Variants in RARB observed in about 807,000 individuals in gnomAD.
The protein encoded by RARB is retinoic acid receptor beta.
RARB carries 17 observed loss-of-function variants against 51.9 expected under a neutral mutation model. That is an observed-to-expected ratio of 0.33 (90% CI 0.22 to 0.49). RARB has a LOEUF of 0.49. RARB is among the 20% of genes least tolerant of loss of function. RARB has a pLI of 0.99. For synonymous variants in RARB, 215 were observed against 195.4 expected (o/e 1.10, Z -0.84); for missense variants, 369 against 550.8 (o/e 0.67, Z 3.30).
At chr3:25,187,748 G>A (rs543887122) in intron 5 of RARB, among the ~76,000 whole-genome samples, 27 of 152,132 alleles carry the variant, frequency 1.8e-4, no homozygotes, top group Admixed American at 1.6e-3. Context: ...CCTTGTTGTG[G>A]AGAAAGAAAA....
At chr3:25,344,878 G>A (rs1705340997) in intron 5 of RARB, among the ~76,000 whole-genome samples, 1 of 152,162 alleles carries the variant, frequency 6.6e-6, no homozygotes, top group Admixed American at 6.6e-5. Context: ...GCTAGAGAGA[G>A]TGGAAAGTTT....
chr3:25,348,756 C>G (rs2125455830), intron 5 of RARB, among the ~76,000 whole-genome samples: 1 of 152,270 alleles, frequency 6.6e-6, no homozygotes, highest in Admixed American at 6.5e-5. Flanking sequence ...TCTTTTCTCC[C>G]TGAATTTCAA....
intron 3 of RARB, chr3:25,555,549 C>G (rs906394467): frequency 3.3e-5 from 5 of 152,072 alleles, no homozygotes. Context: ...CTAGCTCTGT[C>G]AGGATTAAGT....
chr3:24,882,088 A>G lies in RARB; in HGVS notation c.-380+23336A>G, dbSNP rs1703178657. On this transcript the variant is annotated intron_variant, in intron 2 of 11. Transcript: ENST00000383772. The stretch of plus-strand genomic sequence containing the variant: ...TGACTTGTATTTGGAGAATAAGAGA[A>G]TAATGTCTATAGGAGGCTGATAGGT... Among the ~76,000 whole-genome samples, 3 of 152,232 alleles carry G rather than the reference A, an allele frequency of 2.0e-5. No homozygotes were observed. The South Asian group carries it at 6.2e-4, about 32-fold the overall frequency.
Position 24,980,790 on chromosome 3 carries a change from C to T in RARB, c.-379-79335C>T, listed in dbSNP as rs554487579. On this transcript the variant is annotated intron_variant, in intron 2 of 11. Transcript: ENST00000383772. ...TCAACTCGTCAAACTCATTCTCTGTCCAGTTTTGTTCCCTTGCTGGAGAGG... is the reference window on the plus strand; with the variant it reads ...TCAACTCGTCAAACTCATTCTCTGTTCAGTTTTGTTCCCTTGCTGGAGAGG... Among the ~76,000 whole-genome samples, 5 of 152,264 alleles carry T rather than the reference C, an allele frequency of 3.3e-5. No homozygotes were observed. The East Asian group carries it at 9.7e-4, about 29-fold the overall frequency.
chr3:25,209,962 T>C (rs985005419), intron 5 of RARB, among the ~76,000 whole-genome samples: 6 of 152,188 alleles, frequency 3.9e-5, no homozygotes, highest in African/African-American at 1.4e-4. Flanking sequence ...TAAGATAACT[T>C]TGATAATCCC....
intron 5 of RARB, among the ~76,000 whole-genome samples, chr3:25,402,620 C>A (rs1707293447): frequency 6.6e-6 from 1 of 152,104 alleles, no homozygotes; most frequent in South Asian, 2.1e-4. Context: ...TACTATTCAG[C>A]CATAAAAAAG....
At chr3:24,933,524 C>T (rs73051231) in intron 2 of RARB, among the ~76,000 whole-genome samples, 5,679 of 152,018 alleles carry the variant, frequency 0.037, 136 homozygotes, top group Middle Eastern at 0.082. Flanking sequence ...TTTGCTTTTG[C>T]GGATCTGACT....
intron 5 of RARB, among the ~76,000 whole-genome samples, chr3:25,177,407 C>T (rs148162445): frequency 4.6e-5 from 7 of 152,080 alleles, no homozygotes; most frequent in African/African-American, 7.2e-5. Flanking sequence ...AGCTGACCAA[C>T]GTGGAATAAA....
intron 2 of RARB, among the ~76,000 whole-genome samples, chr3:24,900,589 G>C (rs17015434): frequency 0.021 from 3,249 of 152,262 alleles, 151 homozygotes; most frequent in East Asian, 0.19. Context: ...GTTGGGCACA[G>C]TATTGTTTTG....
intron 2 of RARB, among the ~76,000 whole-genome samples, chr3:25,052,045 C>G (rs1171101411): frequency 6.6e-6 from 1 of 152,136 alleles, no homozygotes; most frequent in South Asian, 2.1e-4. Context: ...AATGGAGGCT[C>G]CATCTCGGTA....
intron 4 of RARB, among the ~76,000 whole-genome samples, chr3:25,578,381 C>A (rs184189975): frequency 6.6e-6 from 1 of 152,178 alleles, no homozygotes; most frequent in Non-Finnish European, 1.5e-5. Flanking sequence ...ATAGAAGGTA[C>A]GACAGGCTCC....
chr3:25,035,421 CTTTTTTTTTTTTTTT>C (rs140970899), intron 2 of RARB, among the ~76,000 whole-genome samples: 4 of 121,654 alleles, frequency 3.3e-5, no homozygotes, highest in African/African-American at 3.5e-5. Flanking sequence ...TGCGTCCAGC[CTTTTTTTTTTTTTTT>C]TTTTTTTTTT....
chr3:24,999,740 C>T (rs1324623745), intron 2 of RARB, among the ~76,000 whole-genome samples: 1 of 152,144 alleles, frequency 6.6e-6, no homozygotes, highest in African/African-American at 2.4e-5. Flanking sequence ...GTAGCCAAGA[C>T]CTCTAAGGGG....
At chr3:25,183,443 G>C (rs1210336825) in intron 5 of RARB, among the ~76,000 whole-genome samples, 2 of 151,962 alleles carry the variant, frequency 1.3e-5, no homozygotes, top group African/African-American at 2.4e-5. Flanking sequence ...ACCTCAACAT[G>C]TTCTCTTTAA....
intron 3 of RARB, among the ~76,000 whole-genome samples, chr3:25,542,703 T>C (rs1266887482): frequency 1.3e-5 from 2 of 152,260 alleles, no homozygotes; most frequent in Non-Finnish European, 2.9e-5. Context: ...TCTGTTCCCT[T>C]GTGCAATAAG....
At chr3:25,137,934 GA>G (rs1420085486) in intron 4 of RARB, among the ~76,000 whole-genome samples, 3 of 152,112 alleles carry the variant, frequency 2.0e-5, no homozygotes, top group African/African-American at 7.2e-5. Context: ...AGAGCTCTCT[GA>G]AATAGCCATT....
intron 2 of RARB, among the ~76,000 whole-genome samples, chr3:24,980,667 AC>A (rs137918632): frequency 0.013 from 1,902 of 152,138 alleles, 16 homozygotes; most frequent in Middle Eastern, 0.02. Context: ...CATTCGTCTA[AC>A]CTTTTTTCAT....
At chr3:25,265,227 C>A (rs546098054) in intron 5 of RARB, among the ~76,000 whole-genome samples, 1 of 152,040 alleles carries the variant, frequency 6.6e-6, no homozygotes. Flanking sequence ...GCTTATATTC[C>A]GTTTTCTACT....
Sources: allele counts gnomAD v4.1 joint callset (sites outside exome capture counted in the v4.1 genomes callset), GRCh38; gene constraint gnomAD v4.1.1; transcripts MANE v1.5; gene names NCBI Gene and HGNC (gene_info 2026-07-23, HGNC 2026-07-21).